The following PRKCA variants were observed in gnomAD, a reference collection of about 807,000 sequenced individuals.
PRKCA encodes protein kinase C alpha type.
In PRKCA, 27 loss-of-function variants were observed where a neutral mutation model predicts 87.0. The ratio of observed to expected loss-of-function variants is 0.31; its 90% CI spans 0.23 to 0.43. The LOEUF is 0.43. Among genes scored for constraint, PRKCA ranks in the 20% least tolerant of loss-of-function variants. The probability of loss-of-function intolerance (pLI) is 1.00; values close to 1 mark genes in which losing one functional copy is unlikely to be tolerated. For missense variants in PRKCA, 518 were observed against 852.3 expected (o/e 0.61, Z 4.88); for synonymous variants, 329 against 311.1 (o/e 1.06, Z -0.61).
At chr17:66,749,455 C>T (rs549550421) in intron 13 of PRKCA, among the ~76,000 whole-genome samples, 5 of 152,330 alleles carry the variant, frequency 3.3e-5, no homozygotes, top group African/African-American at 1.2e-4. Flanking sequence ...GGCCCCCTGC[C>T]CTGGTGACCC....
At chr17:66,454,225 C>T (rs1032619957) in intron 2 of PRKCA, among the ~76,000 whole-genome samples, 1 of 152,146 alleles carries the variant, frequency 6.6e-6, no homozygotes, top group Non-Finnish European at 1.5e-5. Flanking sequence ...GTGCTAAGGC[C>T]CTGTGGACTC....
intron 3 of PRKCA, among the ~76,000 whole-genome samples, chr17:66,561,301 A>G (rs1968671882): frequency 6.6e-6 from 1 of 152,232 alleles, no homozygotes; most frequent in Non-Finnish European, 1.5e-5. Context: ...GTTTTAATGC[A>G]TAAATCTAAC....
At chr17:66,605,800 C>T (rs534870135) in intron 3 of PRKCA, among the ~76,000 whole-genome samples, 1 of 152,282 alleles carries the variant, frequency 6.6e-6, no homozygotes, top group African/African-American at 2.4e-5. Flanking sequence ...TCAGAGACAT[C>T]CTGCTCCGTA....
At chr17:66,699,392 C>A (rs1973008899) in intron 8 of PRKCA, among the ~76,000 whole-genome samples, 1 of 152,132 alleles carries the variant, frequency 6.6e-6, no homozygotes, top group South Asian at 2.1e-4. Flanking sequence ...GGAGACTACT[C>A]TGAACTGTTA....
At chr17:66,428,150 A>G (rs916472123) in intron 2 of PRKCA, among the ~76,000 whole-genome samples, 8 of 151,622 alleles carry the variant, frequency 5.3e-5, no homozygotes, top group African/African-American at 1.9e-4. Context: ...CTTCGATTCC[A>G]CTCTCTGTGG....
intron 2 of PRKCA, among the ~76,000 whole-genome samples, chr17:66,352,549 T>A (rs1907804839): frequency 7.0e-6 from 1 of 143,504 alleles, no homozygotes; most frequent in South Asian, 2.2e-4. Flanking sequence ...ATTTGTGGTG[T>A]TTTTTGAGGT....
chr17:66,653,222 A>G (rs1971638961), intron 5 of PRKCA, among the ~76,000 whole-genome samples: 1 of 152,158 alleles, frequency 6.6e-6, no homozygotes, highest in Non-Finnish European at 1.5e-5. Context: ...TATGACCCCC[A>G]TTTTCCAAAT....
At chr17:66,682,522 T>C (rs1972519658) in intron 5 of PRKCA, among the ~76,000 whole-genome samples, 1 of 152,258 alleles carries the variant, frequency 6.6e-6, no homozygotes, top group Non-Finnish European at 1.5e-5. Flanking sequence ...TGCCAGGGCC[T>C]TGGGCCCATT....
chr17:66,430,625 G>A (rs1052949228), intron 2 of PRKCA, among the ~76,000 whole-genome samples: 5 of 152,028 alleles, frequency 3.3e-5, no homozygotes, highest in African/African-American at 1.2e-4. Flanking sequence ...GTTCCAGATT[G>A]AAACCCTTAC....
intron 2 of PRKCA, among the ~76,000 whole-genome samples, chr17:66,331,371 G>A (rs973061859): frequency 3.3e-5 from 5 of 152,054 alleles, no homozygotes; most frequent in Admixed American, 2.0e-4. Context: ...TCTCCCATTT[G>A]GTTAATGCTA....
At chr17:66,754,688 T>C (rs1242030777) in intron 13 of PRKCA, among the ~76,000 whole-genome samples, 1 of 152,122 alleles carries the variant, frequency 6.6e-6, no homozygotes, top group Non-Finnish European at 1.5e-5. Flanking sequence ...ATTAAAGAAG[T>C]TTGCTGGGCA....
chr17:66,750,725 A>T (rs955252023), intron 13 of PRKCA, among the ~76,000 whole-genome samples: 1 of 152,186 alleles, frequency 6.6e-6, no homozygotes, highest in Non-Finnish European at 1.5e-5. Context: ...GCTACATCCC[A>T]GACCAGGGCT....
chr17:66,731,524 G>T (rs1973893550), intron 8 of PRKCA, among the ~76,000 whole-genome samples: 1 of 152,044 alleles, frequency 6.6e-6, no homozygotes, highest in Non-Finnish European at 1.5e-5. Flanking sequence ...GGAGTCTTGT[G>T]CTGGGAGACT....
intron 3 of PRKCA, among the ~76,000 whole-genome samples, chr17:66,603,501 A>C (rs1970117035): frequency 6.6e-6 from 1 of 152,176 alleles, no homozygotes; most frequent in African/African-American, 2.4e-5. Flanking sequence ...CAGCAAAGCG[A>C]GCACTCGGAG....
At chr17:66,314,661 G>A (rs1905216683) in intron 2 of PRKCA, among the ~76,000 whole-genome samples, 1 of 152,148 alleles carries the variant, frequency 6.6e-6, no homozygotes, top group Non-Finnish European at 1.5e-5. Context: ...AAACCATAAG[G>A]ATGTAAATAT....
At chr17:66,329,382 G>A (rs1234732906) in intron 2 of PRKCA, among the ~76,000 whole-genome samples, 1 of 152,198 alleles carries the variant, frequency 6.6e-6, no homozygotes, top group Non-Finnish European at 1.5e-5. Flanking sequence ...GGCAGAGGGT[G>A]ATGCCGGGAA....
intron 3 of PRKCA, among the ~76,000 whole-genome samples, chr17:66,569,440 G>T (rs1252726913): frequency 6.6e-6 from 1 of 152,110 alleles, no homozygotes; most frequent in Non-Finnish European, 1.5e-5. Flanking sequence ...ATGGTGGCAG[G>T]CACCTGTAAT....
At chr17:66,657,713 C>T (rs532817709) in intron 5 of PRKCA, among the ~76,000 whole-genome samples, 2 of 152,114 alleles carry the variant, frequency 1.3e-5, no homozygotes, top group Non-Finnish European at 2.9e-5. Flanking sequence ...TTAGAAATAG[C>T]ACCAGAGCCC....
chr17:66,603,538 C>T (rs1395744379), intron 3 of PRKCA, among the ~76,000 whole-genome samples: 1 of 152,078 alleles, frequency 6.6e-6, no homozygotes, highest in Non-Finnish European at 1.5e-5. Context: ...CTTTGGTAGA[C>T]AGAGAGAGAG....
Sources: gnomAD v4.1 joint callset for allele counts (sites outside exome capture counted in the v4.1 genomes callset) on GRCh38, gnomAD v4.1.1 for gene constraint, MANE v1.5 for transcripts, NCBI Gene and HGNC (gene_info 2026-07-23, HGNC 2026-07-21) for gene names.